Variants in UNKL observed in about 807,000 individuals in gnomAD.
UNKL encodes putative E3 ubiquitin-protein ligase UNKL.
A neutral mutation model predicts 78.0 loss-of-function variants in UNKL; 60 were observed. The ratio of observed to expected loss-of-function variants is 0.77; its 90% confidence interval spans 0.63 to 0.95. The LOEUF (loss-of-function observed/expected upper bound fraction) is 0.95. Ranked by LOEUF, UNKL falls within the 40% of genes least tolerant of loss-of-function variation. The pLI is 0.00. For synonymous variants in UNKL, 608 were observed against 474.8 expected (o/e 1.28, Z -3.65); for missense variants, 1,159 against 1,045.7 (o/e 1.11, Z -1.49).
At chr16:1,371,923 G>A (rs1246748313) in intron 10 of UNKL, among the ~76,000 whole-genome samples, 1 of 152,164 alleles carries the variant, frequency 6.6e-6, no homozygotes, top group Non-Finnish European at 1.5e-5. Flanking sequence ...ACCTAAGTGT[G>A]TGTTAGCATC....
intron 2 of UNKL, among the ~76,000 whole-genome samples, chr16:1,408,035 G>A (rs1313074998): frequency 1.3e-5 from 2 of 152,014 alleles, no homozygotes; most frequent in African/African-American, 4.8e-5. Context: ...AGTCCAGGAG[G>A]CAGAGGTTGC....
rs1475042725 is a variant in UNKL at position 1,406,131 on chromosome 16, C to A, written c.288-2787G>T. 5 of 445,156 alleles carry A rather than the reference C, an allele frequency of 1.1e-5. No homozygotes were observed. In the Admixed American group the frequency reaches 1.2e-4, roughly 11 times the overall value. 27.6% of individuals were successfully genotyped at this position (445,156 alleles called of 1,614,324 possible). A position where few individuals can be genotyped will look rare whatever the true frequency, so the allele number is the denominator to read the frequency against. Reference sequence around the variant, plus strand: ...CTCCCTTCCAGCTTAAGGACGCAGGCATAGGTGGGGGGCCCAGAGCACAGC... The same window carrying A: ...CTCCCTTCCAGCTTAAGGACGCAGGAATAGGTGGGGGGCCCAGAGCACAGC... On this transcript the variant is annotated intron_variant, in intron 2 of 14. Transcript: ENST00000389221.
In UNKL at chr16:1,366,274, C is replaced by G; in HGVS notation, c.2168G>C (p.Cys723Ser). 6.3e-7 allele frequency: 1 copy of G among 1,590,722 alleles called. No homozygotes were observed. The highest frequency in any genetic ancestry group is 8.5e-7 in the Non-Finnish European group (1 of 1,170,048). The stretch of plus-strand genomic sequence containing the variant: ...CAGGGGCTGGCCCTTGCAGTAGGGG[C>G]ACTCAGGTGCGGTGGCCGCACACGG... ...CEPCAATAPE[C>S]PYCKGQPLQW The change falls in exon 15 of 15, where the codon TGC becomes TCC. Residue 723 changes from cysteine (C) to serine (S), a missense_variant. By Grantham distance (112) the Cys-to-Ser change is moderately radical (BLOSUM62 -1). Coordinates refer to ENST00000389221, the MANE Select transcript of UNKL (RefSeq NM_001372107.1).
intron 7 of UNKL, 62 bp downstream of exon 7, chr16:1,394,069 G>A (rs2037159028): frequency 2.0e-6 from 3 of 1,506,076 alleles, no homozygotes; most frequent in Non-Finnish European, 1.8e-6. Flanking sequence ...GGTAACTCCA[G>A]TGAGGGCCTG....
chr16:1,405,576 CA>C (rs549762269), intron 2 of UNKL, among the ~76,000 whole-genome samples: 179 of 132,650 alleles, frequency 1.3e-3, no homozygotes, highest in Admixed American at 1.2e-3. Context: ...AACTCCATCT[CA>C]AAAAAAAAAA....
intron 2 of UNKL, among the ~76,000 whole-genome samples, chr16:1,409,531 A>G (rs1319207149): frequency 6.6e-6 from 1 of 152,198 alleles, no homozygotes; most frequent in African/African-American, 2.4e-5. Context: ...GTGTGCATAT[A>G]CCCAGGTATC....
rs372623937 is a variant in UNKL, at chr16:1,402,533, T to G, written c.464+635A>C. 1.5e-4 allele frequency among the ~76,000 whole-genome samples: 23 copies of G among 152,012 alleles called. No homozygotes were observed. In the East Asian group the frequency reaches 1.7e-3, roughly 11 times the overall value. On this transcript the variant is annotated intron_variant, in intron 3 of 14. Transcript: ENST00000389221. ...ACAAAATAACCCAGGCATGGTGGTGTGCGCCTGTAGTCCCAGCTACTCGGG... is the reference window on the plus strand; with the variant it reads ...ACAAAATAACCCAGGCATGGTGGTGGGCGCCTGTAGTCCCAGCTACTCGGG...
chr16:1,412,021 G>C (rs1468974144), intron 2 of UNKL: 1 of 152,174 alleles, frequency 6.6e-6, no homozygotes, highest in African/African-American at 2.4e-5. Flanking sequence ...TGGAGAATCA[G>C]CTCCTTCCAA....
intron 2 of UNKL, among the ~76,000 whole-genome samples, chr16:1,413,301 G>A (rs1254873634): frequency 2.8e-5 from 4 of 144,554 alleles, no homozygotes; most frequent in African/African-American, 7.7e-5. Flanking sequence ...GGGTACGGTG[G>A]CTCATGCCTG....
intron 11 of UNKL, among the ~76,000 whole-genome samples, chr16:1,370,899 T>A (rs1196161546): frequency 1.3e-5 from 2 of 152,026 alleles, no homozygotes; most frequent in East Asian, 1.9e-4. Flanking sequence ...CTGGCTAACA[T>A]GGTGAAACCC....
intron 2 of UNKL, chr16:1,405,953 C>T (rs1253197596): frequency 2.2e-6 from 1 of 456,724 alleles, no homozygotes; most frequent in Admixed American, 2.3e-5. Flanking sequence ...ATTCTCGAGA[C>T]TGCGAGCCAC....
chr16:1,378,788 G>A (rs1323434676), intron 10 of UNKL: 2 of 152,060 alleles, frequency 1.3e-5, no homozygotes, highest in Non-Finnish European at 2.9e-5. Context: ...GAGCACCGGA[G>A]AGGGTCCTGG....
chr16:1,372,243 G>T (rs567482424), intron 10 of UNKL, among the ~76,000 whole-genome samples: 1 of 151,924 alleles, frequency 6.6e-6, no homozygotes, highest in Non-Finnish European at 1.5e-5. Flanking sequence ...CAGCCTGGAC[G>T]ACAGAGCAAG....
At chr16:1,402,878 G>C (rs1406420907) in intron 3 of UNKL, among the ~76,000 whole-genome samples, 2 of 151,698 alleles carry the variant, frequency 1.3e-5, no homozygotes, top group Non-Finnish European at 2.9e-5. Context: ...TGTAGTCCCA[G>C]CTACTCGGGC....
At chr16:1,414,263 G>C (rs2038178423) in intron 1 of UNKL, among the ~76,000 whole-genome samples, 1 of 151,822 alleles carries the variant, frequency 6.6e-6, no homozygotes, top group Non-Finnish European at 1.5e-5. Context: ...GCTGACCCTG[G>C]TCCCCAAGCC....
rs761561500 is a variant in UNKL at position 1,413,991 on chromosome 16, G to C, written c.142C>G (p.Arg48Gly). The C allele has an allele frequency of 6.4e-7, 1 of 1,551,924 alleles. No homozygotes were observed. The highest frequency in any genetic ancestry group is 8.7e-7 in the Non-Finnish European group (1 of 1,147,498). Reference sequence around the variant, plus strand: ...TGCCAGTGGAAGCAGGTGAACGGCCGGTGCTGCGCGCACTTGTGCTGTGAA... The same window carrying C: ...TGCCAGTGGAAGCAGGTGAACGGCCCGTGCTGCGCGCACTTGTGCTGTGAA... ...LFSQHKCAQH[R>G]PFTCFHWHFL... Residue 48 changes from arginine to glycine, a missense_variant, in exon 2 of 15, where the codon CGG (arginine) becomes GGG (glycine). Arg to Gly is a moderately radical substitution (Grantham distance 125). Coordinates refer to ENST00000389221, the MANE Select transcript of UNKL (RefSeq NM_001372107.1).
chr16:1,394,603 C>T, intron 6 of UNKL: 1 of 435,556 alleles, frequency 2.3e-6, no homozygotes, highest in Non-Finnish European at 4.6e-6. Context: ...GACCCTTCAC[C>T]TAGGGTGACA....
Position 1,403,299 on chromosome 16 carries a change from G to A in UNKL, c.333C>T (p.Tyr111=), listed in dbSNP as rs1168522156. 1.9e-6 allele frequency: 3 copies of A among 1,614,102 alleles called. No individual in the cohort carries two copies. The highest frequency in any genetic ancestry group is 2.2e-5 in the East Asian group (1 of 44,896). Residue 111 remains tyrosine (Y), a synonymous_variant, in exon 3 of 15, where the codon TAC becomes TAT. Transcript: ENST00000389221. This position sits in a 1 kb window ranked among gnomAD's most constrained non-coding sequence, Gnocchi z 4.8. The stretch of plus-strand genomic sequence containing the variant: ...TTCCTGTTTTGTAGTAACGCAGGTG[G>A]TACTTGCGTTCTGTGTCCCCCGTCG... ...HRTTGDTERK[Y]HLRYYKTGTC...
At chr16:1,367,063 C>T in intron 14 of UNKL, 29 bp downstream of exon 14, 1 of 1,493,880 alleles carries the variant, frequency 6.7e-7, no homozygotes, top group Admixed American at 2.1e-5. Context: ...GGCAGGCTGG[C>T]CCCTCACCCT....
Sources: gnomAD v4.1 joint callset for allele counts (sites outside exome capture counted in the v4.1 genomes callset) on GRCh38, gnomAD v4.1.1 for gene constraint, Gnocchi (gnomAD v3.1) non-coding constraint, MANE v1.5 for transcripts, NCBI Gene and HGNC (gene_info 2026-07-23, HGNC 2026-07-21) for gene names.